The following TRAPPC6A variants were observed in gnomAD, a reference collection of about 807,000 sequenced individuals.
TRAPPC6A encodes TRAPP complex subunit 6A.
Under a neutral mutation model 20.8 loss-of-function variants are expected in TRAPPC6A, and 25 were observed. That is an observed-to-expected ratio of 1.20 (90% CI 0.88 to 1.68). The LOEUF (loss-of-function observed/expected upper bound fraction) is 1.68. Among genes scored for constraint, TRAPPC6A ranks in the 40% most tolerant of loss-of-function variants. TRAPPC6A has a pLI of 0.00. For synonymous variants in TRAPPC6A, 96 were observed against 93.3 expected (o/e 1.03, Z -0.16); for missense variants, 215 against 211.6 (o/e 1.02, Z -0.10).
chr19:45,166,652 G>C (rs1030737333), intron 1 of TRAPPC6A, among the ~76,000 whole-genome samples: 14 of 152,094 alleles, frequency 9.2e-5, no homozygotes, highest in African/African-American at 3.1e-4. Context: ...TGGCAGAGCA[G>C]AAGTGGGGGA....
At chr19:45,167,523 C>T (rs1220091678) in intron 1 of TRAPPC6A, among the ~76,000 whole-genome samples, 2 of 152,242 alleles carry the variant, frequency 1.3e-5, no homozygotes, top group South Asian at 4.1e-4. Context: ...GCTCTTGTTG[C>T]CCAGGCTGGA....
intron 1 of TRAPPC6A, among the ~76,000 whole-genome samples, chr19:45,170,898 G>A (rs1197117646): frequency 6.6e-6 from 1 of 152,266 alleles, no homozygotes; most frequent in Non-Finnish European, 1.5e-5. Context: ...GGAAGAAAGG[G>A]CGGAGGAGGA....
rs1969290009 is a variant in TRAPPC6A at position 45,172,684 on chromosome 19, C to T, written c.84+5451G>A. 6.6e-6 allele frequency among the ~76,000 whole-genome samples: 1 copy of T among 151,694 alleles called. No homozygotes were observed. Among genetic ancestry groups the T allele is most frequent in the Non-Finnish European group, 1.5e-5 (1 of 68,008 alleles). ...GAGCAAGTCCAGATCCTGCCTCTGC[C>T]CACTCAGAACTCCCCATCCTGTCCC... On this transcript the variant is annotated intron_variant, in intron 1 of 5. Coordinates refer to ENST00000585934, the MANE Select transcript of TRAPPC6A (RefSeq NM_001270891.2). This position sits in a 1 kb window ranked among gnomAD's most constrained non-coding sequence, Gnocchi z 4.2.
rs1969071386 is a variant in TRAPPC6A at position 45,163,845 on chromosome 19, G to A, written c.448+71C>T. The A allele has an allele frequency of 7.3e-7, 1 of 1,363,084 alleles. No homozygotes were observed. The highest frequency in any genetic ancestry group is 2.0e-5 in the Admixed American group (1 of 49,220). 84.4% of individuals were successfully genotyped at this position (1,363,084 alleles called of 1,614,324 possible). A position where few individuals can be genotyped will look rare whatever the true frequency, so the allele number is the denominator to read the frequency against. On this transcript the variant is annotated intron_variant, in intron 5 of 5. Coordinates refer to ENST00000585934, the MANE Select transcript of TRAPPC6A (RefSeq NM_001270891.2). The surrounding 1 kb of genome is among the most constrained non-coding windows in gnomAD (Gnocchi z 5.3). Reference sequence around the variant, plus strand: ...CTGCCTCCCAGGCACACACACAGGAGTGGGGCTGGAACTCTGAAGCCCCCA... The same window carrying A: ...CTGCCTCCCAGGCACACACACAGGAATGGGGCTGGAACTCTGAAGCCCCCA...
In TRAPPC6A at chr19:45,167,590, C is replaced by A. The variant is rs190924493; in HGVS notation, c.85-2396G>T. ...CTCTGCCTCCCGGGTTCAAGTGAAT[C>A]TCCTGCCTCAGCCTCCCCAGTAGCT... On this transcript the variant is annotated intron_variant, in intron 1 of 5. Transcript: ENST00000585934. Among the ~76,000 whole-genome samples the A allele has an allele frequency of 1.5e-3, 226 of 152,348 alleles. 1 individual carries two copies. The highest frequency in any genetic ancestry group is 5.3e-3 in the African/African-American group (219 of 41,588).
intron 1 of TRAPPC6A, among the ~76,000 whole-genome samples, chr19:45,167,237 T>C (rs73564240): frequency 0.014 from 2,194 of 152,228 alleles, 61 homozygotes; most frequent in African/African-American, 0.048. Flanking sequence ...CGTAAGTCCT[T>C]ACCTAATGCT....
Position 45,163,950 on chromosome 19 carries a change from G to A in TRAPPC6A, c.414C>T (p.Ser138=), listed in dbSNP as rs143187547. ...RGALYTLGIE[S]VVTASVAALP... ...GGGCTGCCACGGAGGCGGTGACCAC[G>A]CTCTCAATGCCCAGGGTATAGAGGG... Residue 138 remains serine, a synonymous_variant, in exon 5 of 6, where the codon AGC becomes AGT. Transcript: ENST00000585934. The surrounding 1 kb of genome is among the most constrained non-coding windows in gnomAD (Gnocchi z 5.3). 52 of 1,582,692 alleles carry A rather than the reference G, an allele frequency of 3.3e-5. No homozygotes were observed. The highest frequency in any genetic ancestry group is 2.7e-4 in the African/African-American group (20 of 74,796).
chr19:45,166,300 G>T (rs1441073457), intron 1 of TRAPPC6A, among the ~76,000 whole-genome samples: 1 of 151,624 alleles, frequency 6.6e-6, no homozygotes, highest in South Asian at 2.1e-4. Flanking sequence ...TCCGCCTCCC[G>T]GGTTCAAACA....
At chr19:45,164,650 G>T (rs1969103688) in intron 3 of TRAPPC6A, 1 of 606,670 alleles carries the variant, frequency 1.6e-6, no homozygotes, top group Non-Finnish European at 2.9e-6. Flanking sequence ...GTAGGCTGGA[G>T]AAGTTCCGGA....
At chr19:45,165,574 G>A (rs1969134405) in intron 1 of TRAPPC6A, among the ~76,000 whole-genome samples, 1 of 152,232 alleles carries the variant, frequency 6.6e-6, no homozygotes, top group East Asian at 1.9e-4. Flanking sequence ...CCTGGGAAGT[G>A]GGCGCTGCGA....
intron 1 of TRAPPC6A, among the ~76,000 whole-genome samples, chr19:45,177,380 G>A (rs571690646): frequency 6.6e-6 from 1 of 151,300 alleles, no homozygotes; most frequent in South Asian, 2.1e-4. Context: ...TCGCTCTGTC[G>A]CCTAGGCTGG....
intron 3 of TRAPPC6A, 74 bp downstream of exon 3, chr19:45,164,779 C>A (rs1332373712): frequency 1.4e-6 from 2 of 1,421,252 alleles, no homozygotes; most frequent in African/African-American, 1.4e-5. Context: ...GCTCTGGCGC[C>A]GGGGGATTCC....
chr19:45,177,233 C>T (rs1969405822), intron 1 of TRAPPC6A, among the ~76,000 whole-genome samples: 1 of 136,708 alleles, frequency 7.3e-6, no homozygotes, highest in South Asian at 2.3e-4. Flanking sequence ...CCGGGCCAGT[C>T]ACGGTAGTTC....
chr19:45,173,638 T>G lies in TRAPPC6A; in HGVS notation c.84+4497A>C, dbSNP rs1969307530. 6.6e-6 allele frequency among the ~76,000 whole-genome samples: 1 copy of G among 152,076 alleles called. No individual in the cohort carries two copies. The highest frequency in any genetic ancestry group is 2.4e-5 in the African/African-American group (1 of 41,394). On this transcript the variant is annotated intron_variant, in intron 1 of 5. Coordinates refer to ENST00000585934, the MANE Select transcript of TRAPPC6A (RefSeq NM_001270891.2). This position sits in a 1 kb window ranked among gnomAD's most constrained non-coding sequence, Gnocchi z 4.8. ...CTGTGCAAGTACTGCACAGACGCCC[T>G]CAGGAAACGGGAGGCCTGTCTGGTT...
In TRAPPC6A at chr19:45,172,653, C is replaced by A. The variant is rs147570048; in HGVS notation, c.84+5482G>T. On this transcript the variant is annotated intron_variant, in intron 1 of 5. Transcript: ENST00000585934. This position sits in a 1 kb window ranked among gnomAD's most constrained non-coding sequence, Gnocchi z 4.2. Reference sequence around the variant, plus strand: ...AACTCTCCTCCCTGGTCCAGCAAGGCATCCTGAGCAAGTCCAGATCCTGCC... The same window carrying A: ...AACTCTCCTCCCTGGTCCAGCAAGGAATCCTGAGCAAGTCCAGATCCTGCC... Among the ~76,000 whole-genome samples, 1 of 151,802 alleles carries A rather than the reference C, an allele frequency of 6.6e-6. No homozygotes were observed. The highest frequency in any genetic ancestry group is 2.4e-5 in the African/African-American group (1 of 41,098).
Position 45,177,982 on chromosome 19 carries a change from G to C in TRAPPC6A, c.84+153C>G, listed in dbSNP as rs368712812. 6.4e-4 allele frequency: 891 copies of C among 1,402,060 alleles called. 4 individuals carry two copies. The African/African-American group carries it at 0.011, about 17-fold the overall frequency. 86.9% of individuals were successfully genotyped at this position (1,402,060 alleles called of 1,614,324 possible). On this transcript the variant is annotated intron_variant, in intron 1 of 5. Coordinates refer to ENST00000585934, the MANE Select transcript of TRAPPC6A (RefSeq NM_001270891.2). ...ACCCCGAGCCGGCACCGTCGCGAAC[G>C]CCACTTTCCAAAGGAGGAAGCCAGG...
At chr19:45,175,426 C>CAA (rs1217215768) in intron 1 of TRAPPC6A, among the ~76,000 whole-genome samples, 11 of 81,498 alleles carry the variant, frequency 1.3e-4, no homozygotes, top group African/African-American at 2.4e-4. Context: ...GACTCCGTCT[C>CAA]AAAAAAAAAA....
intron 1 of TRAPPC6A, among the ~76,000 whole-genome samples, chr19:45,171,423 C>G (rs1054227765): frequency 6.6e-6 from 1 of 152,180 alleles, no homozygotes; most frequent in Non-Finnish European, 1.5e-5. Context: ...GGGCTCCCCA[C>G]GCCTGCCTCT....
rs758096131 is a variant in TRAPPC6A at position 45,163,210 on chromosome 19, C to G, written c.462G>C (p.Val154=). 2 of 1,613,808 alleles carry G rather than the reference C, an allele frequency of 1.2e-6. No homozygotes were observed. Among genetic ancestry groups the G allele is most frequent in the African/African-American group, 2.7e-5 (2 of 74,918 alleles). The part of the protein sequence containing the change: ...VAALPVCKFQ[V]VIPKS ...GGCAGGCTTAGGATTTCGGAATCAC[C>G]ACCTGGAACTTACCTGGAAGAGAAG... The change falls in exon 6 of 6, where the codon GTG becomes GTC. Residue 154 remains valine, a synonymous_variant. Coordinates refer to ENST00000585934, the MANE Select transcript of TRAPPC6A (RefSeq NM_001270891.2). The surrounding 1 kb of genome is among the most constrained non-coding windows in gnomAD (Gnocchi z 5.3).
Sources: gnomAD v4.1 joint callset for allele counts (sites outside exome capture counted in the v4.1 genomes callset) on GRCh38, gnomAD v4.1.1 for gene constraint, Gnocchi (gnomAD v3.1) non-coding constraint, MANE v1.5 for transcripts, NCBI Gene and HGNC (gene_info 2026-07-23, HGNC 2026-07-21) for gene names.